NALCN: variants seen among roughly 807,000 people sequenced by gnomAD.
NALCN encodes the protein sodium leak channel NALCN.
A neutral mutation model predicts 225.3 loss-of-function variants in NALCN; 111 were observed. The observed-to-expected ratio is 0.49, with a 90% CI of 0.42 to 0.58. The LOEUF is 0.58. Among genes scored for constraint, NALCN ranks in the 20% least tolerant of loss-of-function variants. The pLI, the probability that NALCN is intolerant of heterozygous loss-of-function variation, is 0.00. For missense variants in NALCN, 1,378 were observed against 2,202.4 expected (o/e 0.63, Z 7.49); for synonymous variants, 764 against 769.0 (o/e 0.99, Z 0.11).
intron 18 of NALCN, chr13:101,116,939 A>G (rs1407300872): frequency 3.9e-6 from 2 of 516,094 alleles, no homozygotes; most frequent in South Asian, 1.4e-5. Context: ...CTAGAGTGAC[A>G]ATGTGATCTT....
intron 7 of NALCN, among the ~76,000 whole-genome samples, chr13:101,338,981 T>G (rs73566939): frequency 6.5e-4 from 99 of 152,308 alleles, no homozygotes; most frequent in African/African-American, 2.3e-3. Context: ...ATGACTGCAT[T>G]ATCTGTTCCA....
chr13:101,350,127 C>T (rs906223812), intron 6 of NALCN, among the ~76,000 whole-genome samples: 1 of 152,170 alleles, frequency 6.6e-6, no homozygotes, highest in Non-Finnish European at 1.5e-5. Context: ...CTTAGCCTTT[C>T]TGATACATTT....
At chr13:101,378,718 G>T in intron 3 of NALCN, 65 bp from the exon 4 acceptor site, 2 of 1,323,386 alleles carry the variant, frequency 1.5e-6, no homozygotes, top group South Asian at 1.3e-5. Context: ...ATCTGTGGAG[G>T]AAAATGTCAA....
chr13:101,347,978 A>C (rs1181119842), intron 6 of NALCN, among the ~76,000 whole-genome samples: 1 of 152,336 alleles, frequency 6.6e-6, no homozygotes, highest in African/African-American at 2.4e-5. Context: ...TAGCATGTTC[A>C]TAGAACTATG....
intron 7 of NALCN, among the ~76,000 whole-genome samples, chr13:101,295,827 T>C (rs1352311584): frequency 6.6e-6 from 1 of 152,220 alleles, no homozygotes; most frequent in Non-Finnish European, 1.5e-5. Context: ...TCCTCATCTC[T>C]TTACTACTCC....
chr13:101,241,561 G>C (rs1365296682), intron 11 of NALCN, among the ~76,000 whole-genome samples: 1 of 152,030 alleles, frequency 6.6e-6, no homozygotes, highest in Non-Finnish European at 1.5e-5. Context: ...TCCTGCCTCA[G>C]CCTCCCGAGT....
intron 14 of NALCN, among the ~76,000 whole-genome samples, chr13:101,179,839 C>T (rs761914038): frequency 2.0e-5 from 3 of 152,252 alleles, no homozygotes; most frequent in East Asian, 1.9e-4. Context: ...ATTGAGTTGT[C>T]GGCAAGACCA....
intron 15 of NALCN, among the ~76,000 whole-genome samples, chr13:101,170,806 A>G (rs1369073324): frequency 6.6e-6 from 1 of 152,108 alleles, no homozygotes; most frequent in Non-Finnish European, 1.5e-5. Flanking sequence ...ATCTAAACAG[A>G]CTACCTATAC....
chr13:101,143,907 C>T (rs1438641895), intron 16 of NALCN, among the ~76,000 whole-genome samples: 1 of 152,256 alleles, frequency 6.6e-6, no homozygotes, highest in African/African-American at 2.4e-5. Flanking sequence ...AAAGCAAGTG[C>T]GTTCATCTGA....
intron 2 of NALCN, among the ~76,000 whole-genome samples, chr13:101,397,527 A>G (rs945153925): frequency 6.6e-6 from 1 of 151,230 alleles, no homozygotes; most frequent in African/African-American, 2.4e-5. Context: ...TTATATACAC[A>G]TGATATTTAT....
chr13:101,239,230 T>C (rs1327132908), intron 11 of NALCN, among the ~76,000 whole-genome samples: 2 of 151,974 alleles, frequency 1.3e-5, no homozygotes, highest in Non-Finnish European at 2.9e-5. Context: ...AAACAATTGT[T>C]ACAATTTATG....
chr13:101,199,577 C>T (rs1486209393), intron 13 of NALCN, among the ~76,000 whole-genome samples: 1 of 141,524 alleles, frequency 7.1e-6, no homozygotes, highest in Admixed American at 7.8e-5. Context: ...CATGTTCTCA[C>T]TCATAGGTGG....
At chr13:101,223,806 C>T (rs1314361061) in intron 13 of NALCN, among the ~76,000 whole-genome samples, 1 of 152,120 alleles carries the variant, frequency 6.6e-6, no homozygotes, top group African/African-American at 2.4e-5. Context: ...CCTTTTGGTC[C>T]ACCTCAGGGT....
chr13:101,111,810 C>G (rs892320527), intron 18 of NALCN, among the ~76,000 whole-genome samples: 1 of 152,148 alleles, frequency 6.6e-6, no homozygotes, highest in South Asian at 2.1e-4. Context: ...TCTCCAGCCA[C>G]GTGGAACTGT....
intron 15 of NALCN, among the ~76,000 whole-genome samples, chr13:101,174,776 C>G (rs1168641046): frequency 6.6e-6 from 1 of 152,048 alleles, no homozygotes. Context: ...CTGGCGGTAG[C>G]ACTAGCTAAA....
chr13:101,116,871 G>A (rs754457980), intron 18 of NALCN: 81 of 469,562 alleles, frequency 1.7e-4, no homozygotes, highest in Non-Finnish European at 2.9e-4. Flanking sequence ...AACTATGACT[G>A]TATAACTAAG....
intron 10 of NALCN, among the ~76,000 whole-genome samples, chr13:101,267,040 C>T (rs999172348): frequency 6.6e-6 from 1 of 152,170 alleles, no homozygotes; most frequent in African/African-American, 2.4e-5. Flanking sequence ...TGTCCATCTC[C>T]ACAAAGGTAC....
At chr13:101,319,852 G>A (rs2139186641) in intron 7 of NALCN, among the ~76,000 whole-genome samples, 1 of 152,166 alleles carries the variant, frequency 6.6e-6, no homozygotes, top group Non-Finnish European at 1.5e-5. Flanking sequence ...TCACTGCTGT[G>A]AAAACTAACC....
intron 7 of NALCN, among the ~76,000 whole-genome samples, chr13:101,322,105 T>C (rs1217798724): frequency 1.3e-5 from 2 of 152,198 alleles, no homozygotes; most frequent in African/African-American, 4.8e-5. Context: ...CTAATGAATT[T>C]CTCCTTTAAA....
Sources: allele counts gnomAD v4.1 joint callset (sites outside exome capture counted in the v4.1 genomes callset), GRCh38; gene constraint gnomAD v4.1.1; transcripts MANE v1.5; gene names NCBI Gene and HGNC (gene_info 2026-07-23, HGNC 2026-07-21).